SPTBN5: variants seen among roughly 807,000 people sequenced by gnomAD.
The protein encoded by SPTBN5 is spectrin beta chain, non-erythrocytic 5.
A neutral mutation model predicts 477.6 loss-of-function variants in SPTBN5; 513 were observed. That is an observed-to-expected ratio of 1.07 (90% CI 1.00 to 1.16). The LOEUF is 1.16. SPTBN5 is among the 50% of genes most tolerant of loss of function. SPTBN5 has a pLI of 0.00. For missense variants in SPTBN5, 5,062 were observed against 4,731.8 expected (o/e 1.07, Z -2.05); for synonymous variants, 2,169 against 2,011.7 (o/e 1.08, Z -2.09).
chr15:41,853,517 C>G, intron 58 of SPTBN5, 65 bp downstream of exon 58: 1 of 1,537,320 alleles, frequency 6.5e-7, no homozygotes, highest in Non-Finnish European at 8.8e-7. Flanking sequence ...CCAGCTCCCC[C>G]AAGAGCCAGG....
intron 16 of SPTBN5, 61 bp from the exon 17 acceptor site, chr15:41,878,690 A>G: frequency 6.6e-7 from 1 of 1,525,702 alleles, no homozygotes; most frequent in South Asian, 1.2e-5. Flanking sequence ...CCCCAGGCAC[A>G]TGTCCTCTCT....
intron 62 of SPTBN5, 68 bp downstream of exon 62, chr15:41,852,114 C>T: frequency 6.6e-7 from 1 of 1,510,514 alleles, no homozygotes; most frequent in South Asian, 1.3e-5. Flanking sequence ...ACCCCCACAG[C>T]CCCAGCCCCA....
chr15:41,871,724 TCCCCA>T (rs1402721702), intron 28 of SPTBN5, 53 bp downstream of exon 28: 1 of 1,450,106 alleles, frequency 6.9e-7, no homozygotes, highest in African/African-American at 1.4e-5. Context: ...AGAGCCAGCT[TCCCCA>T]CCCCATAGGC....
At chr15:41,892,283 A>G (rs751561822) in intron 3 of SPTBN5, among the ~76,000 whole-genome samples, 6 of 152,044 alleles carry the variant, frequency 3.9e-5, no homozygotes, top group African/African-American at 7.2e-5. Flanking sequence ...CCGGTTTCCA[A>G]TGATCCCTTT....
intron 67 of SPTBN5, 133 bp downstream of exon 67, chr15:41,849,736 G>T: frequency 1.4e-6 from 1 of 690,898 alleles, no homozygotes; most frequent in Non-Finnish European, 2.5e-6. Flanking sequence ...GGCAGCTGAG[G>T]GTTCCAATAG....
At chr15:41,886,837 T>A (rs2067168880) in intron 6 of SPTBN5, among the ~76,000 whole-genome samples, 1 of 152,204 alleles carries the variant, frequency 6.6e-6, no homozygotes, top group Non-Finnish European at 1.5e-5. Flanking sequence ...AAAACATGAA[T>A]TCTGCGTAGC....
chr15:41,849,223 G>A (rs1567176660), intron 67 of SPTBN5, among the ~76,000 whole-genome samples: 1 of 152,364 alleles, frequency 6.6e-6, no homozygotes, highest in East Asian at 1.9e-4. Flanking sequence ...GGAAGGAGAT[G>A]TGGGTGAGGG....
rs772095776 is a variant in SPTBN5, at chr15:41,893,445, C to T, written c.53G>A (p.Arg18His). Reference protein sequence around the residue: ...PRELLGAAGHRSRRPSTELRV... With the variant: ...PRELLGAAGHHSRRPSTELRV... ...GAGTTCTGTGCTGGGCCTCCTGCTGCGGTGCCCTGCAGCCCCGAGGAGCTC... is the reference window on the plus strand; with the variant it reads ...GAGTTCTGTGCTGGGCCTCCTGCTGTGGTGCCCTGCAGCCCCGAGGAGCTC... The change falls in exon 2 of 68, where the codon CGC becomes CAC. Residue 18 changes from arginine to histidine, a missense_variant. By Grantham distance (29) the Arg-to-His change is conservative (BLOSUM62 0). Coordinates refer to ENST00000320955, the MANE Select transcript of SPTBN5 (RefSeq NM_016642.4). 9.9e-6 allele frequency: 16 copies of T among 1,610,342 alleles called. No homozygotes were observed. The highest frequency in any genetic ancestry group is 5.5e-5 in the South Asian group (5 of 90,874).
At position 41,893,268 on chromosome 15, in the gene SPTBN5, C is replaced by A; in HGVS notation, c.216+14G>T. 1 of 1,613,854 alleles carries A rather than the reference C, an allele frequency of 6.2e-7. No individual in the cohort carries two copies. The highest frequency in any genetic ancestry group is 1.3e-5 in the African/African-American group (1 of 75,076). On this transcript the variant is annotated intron_variant, in intron 2 of 67. Transcript: ENST00000320955. ...GGTATGGGTGGGCTGTGGGTCACAG[C>A]TGGCTATACTCACCTGGCCGCACTG...
At chr15:41,873,655 C>T (rs2066617350) in intron 25 of SPTBN5, 47 bp from the exon 26 acceptor site, 1 of 1,509,896 alleles carries the variant, frequency 6.6e-7, no homozygotes, top group African/African-American at 1.4e-5. Flanking sequence ...AGACAGGACC[C>T]TCCGTCAGCC....
Position 41,856,930 on chromosome 15 carries a change from C to T in SPTBN5, c.8731G>A (p.Glu2911Lys). ...DADEEMAWVQ[E>K]KLPLAAAQDY... The stretch of plus-strand genomic sequence containing the variant: ...TGGGCAGCGGCCAGAGGCAGCTTCT[C>T]CTGCACCCAGGCCATTTCCTCGTCG... The change falls in exon 52 of 68, where the codon GAG becomes AAG. Residue 2911 changes from glutamate to lysine, a missense_variant. Transcript: ENST00000320955. 1.3e-6 allele frequency: 2 copies of T among 1,568,150 alleles called. No individual in the cohort carries two copies. The highest frequency in any genetic ancestry group is 1.7e-6 in the Non-Finnish European group (2 of 1,157,216).
Position 41,848,153 on chromosome 15 carries a change from C to A in SPTBN5, c.*463G>T, listed in dbSNP as rs1331957922. On this transcript the variant is annotated 3_prime_UTR_variant, in exon 68 of 68. Transcript: ENST00000320955. The stretch of plus-strand genomic sequence containing the variant: ...CACAGACTCATACAAATGTGAGGCG[C>A]TGAGACCATCTGTTATTACTGCTGA... 1.1e-5 allele frequency: 6 copies of A among 548,092 alleles called. No homozygotes were observed. In the East Asian group the frequency reaches 1.9e-4, roughly 17 times the overall value. The allele number at this position is 548,092 out of a possible 1,614,324, so 34.0% of individuals were successfully genotyped here.
intron 61 of SPTBN5, 146 bp from the exon 62 acceptor site, chr15:41,852,462 A>G: frequency 2.2e-6 from 3 of 1,351,448 alleles, no homozygotes; most frequent in Admixed American, 2.1e-5. Flanking sequence ...TTGGCTCTGG[A>G]GGCTCACACC....
rs1055827 is a variant in SPTBN5, at chr15:41,848,327, G to A, written c.*289C>T. 5.5e-6 allele frequency: 3 copies of A among 546,324 alleles called. No homozygotes were observed. The highest frequency in any genetic ancestry group is 1.9e-5 in the African/African-American group (1 of 52,732). 33.8% of individuals were successfully genotyped at this position (546,324 alleles called of 1,614,324 possible). ...AGTCACCCCTTCCAAGCAAGGAGGAGGCCACATGGGCCTGGGGTAGCCCTG... is the reference window on the plus strand; with the variant it reads ...AGTCACCCCTTCCAAGCAAGGAGGAAGCCACATGGGCCTGGGGTAGCCCTG... On this transcript the variant is annotated 3_prime_UTR_variant, in exon 68 of 68. Coordinates refer to ENST00000320955, the MANE Select transcript of SPTBN5 (RefSeq NM_016642.4).
Position 41,852,220 on chromosome 15 carries a change from C to T in SPTBN5, c.10546G>A (p.Gly3516Arg), listed in dbSNP as rs928637155. 4.4e-6 allele frequency: 7 copies of T among 1,608,562 alleles called. No individual in the cohort carries two copies. The African/African-American group carries it at 8.0e-5, about 18-fold the overall frequency. The change falls in exon 62 of 68, where the codon GGG (glycine) becomes AGG (arginine). Residue 3516 changes from glycine to arginine, a missense_variant. Physicochemically the swap from Gly to Arg is moderately radical, Grantham distance 125. Transcript: ENST00000320955. ...GTCTCAGCCAGCTGTGCTCCTAGCC[C>T]CTGGTGTCCAGAGGGCCTCCACTGA... ...SFQWRPSGHQ[G>R]LGAQLAETRD...
chr15:41,881,356 G>A (rs936241017), intron 12 of SPTBN5, 122 bp from the exon 13 acceptor site: 35 of 767,588 alleles, frequency 4.6e-5, no homozygotes, highest in African/African-American at 3.3e-4. Context: ...CAAAGGGTGT[G>A]TGGGACATGG....
chr15:41,876,235 C>T lies in SPTBN5; in HGVS notation c.4001G>A (p.Gly1334Glu), dbSNP rs1324637804. 5 of 1,600,342 alleles carry T rather than the reference C, an allele frequency of 3.1e-6. No homozygotes were observed. The highest frequency in any genetic ancestry group is 4.2e-6 in the Non-Finnish European group (5 of 1,176,830). ...GGAGGGCTCATGCGCAGCCATCAGCCCCTTCTCTTCCATCCACTGCATCAG... is the reference window on the plus strand; with the variant it reads ...GGAGGGCTCATGCGCAGCCATCAGCTCCTTCTCTTCCATCCACTGCATCAG... The part of the protein sequence containing the change: ...AELMQWMEEK[G>E]LMAAHEPSGA... The change falls in exon 21 of 68, where the codon GGG (glycine) becomes GAG (glutamate). Residue 1334 changes from glycine to glutamate, a missense_variant. Gly to Glu is a moderately conservative substitution (Grantham distance 98, BLOSUM62 -2). Transcript: ENST00000320955.
chr15:41,882,569 C>A lies in SPTBN5; in HGVS notation c.2046+16G>T. ...AAGGCGCTGGCGACCGGCGGGCGCG[C>A]TCGGGGAGCTGACACCTTGTGTTTC... On this transcript the variant is annotated intron_variant, in intron 10 of 67. Transcript: ENST00000320955. 6.3e-7 allele frequency: 1 copy of A among 1,585,892 alleles called. No homozygotes were observed. Among genetic ancestry groups the A allele is most frequent in the Non-Finnish European group, 8.6e-7 (1 of 1,168,640 alleles).
chr15:41,860,535 A>G (rs965994159), intron 47 of SPTBN5, 51 bp downstream of exon 47: 3 of 1,335,622 alleles, frequency 2.2e-6, no homozygotes, highest in African/African-American at 3.1e-5. Flanking sequence ...GGGATGCCAG[A>G]TGCCTGTGCC....
Sources: gnomAD v4.1 joint callset for allele counts (sites outside exome capture counted in the v4.1 genomes callset) on GRCh38, gnomAD v4.1.1 for gene constraint, MANE v1.5 for transcripts, NCBI Gene and HGNC (gene_info 2026-07-23, HGNC 2026-07-21) for gene names.